Variants in CDH13 observed in about 807,000 individuals in gnomAD.
CDH13 encodes cadherin-13.
Under a neutral mutation model 63.8 loss-of-function variants are expected in CDH13, and 24 were observed. The ratio of observed to expected loss-of-function variants is 0.38; its 90% CI spans 0.27 to 0.53. The LOEUF (loss-of-function observed/expected upper bound fraction) is 0.53. Ranked by LOEUF, CDH13 falls within the 20% of genes least tolerant of loss-of-function variation. The probability of loss-of-function intolerance (pLI) is 0.85; values close to 1 mark genes in which losing one functional copy is unlikely to be tolerated. For missense variants in CDH13, 1,049 were observed against 903.1 expected (o/e 1.16, Z -2.07); for synonymous variants, 503 against 355.3 (o/e 1.42, Z -4.67).
intron 1 of CDH13, among the ~76,000 whole-genome samples, chr16:82,813,660 G>T (rs75023748): frequency 0.017 from 2,560 of 152,182 alleles, 62 homozygotes; most frequent in African/African-American, 0.057. Context: ...GACTTTGCAT[G>T]TCTCTCTCTA....
Position 82,788,156 on chromosome 16 carries a change from C to G in CDH13, c.46-70206C>G, listed in dbSNP as rs75921145. ...AAACTAGTAGGAATGCATCTAGGAA[C>G]CAAAGTGTCTCCTTCCTAGAGAGAG... On this transcript the variant is annotated intron_variant, in intron 1 of 13. Coordinates refer to ENST00000567109, the MANE Select transcript of CDH13 (RefSeq NM_001257.5). 4.2e-3 allele frequency among the ~76,000 whole-genome samples: 633 copies of G among 152,238 alleles called. 9 individuals carry two copies. Among genetic ancestry groups the G allele is most frequent in the Admixed American group, 0.029 (436 of 15,292 alleles).
Position 83,714,021 on chromosome 16 carries a change from G to C in CDH13, c.1539-34087G>C, listed in dbSNP as rs546983290. Among the ~76,000 whole-genome samples the C allele has an allele frequency of 3.9e-5, 6 of 152,280 alleles. No homozygotes were observed. In the East Asian group the frequency reaches 1.2e-3, roughly 29 times the overall value. ...GGCTCATGCTCACTTGTCCAGAGTAGATCTCTAGCCCACCCTATACCCATC... is the reference window on the plus strand; with the variant it reads ...GGCTCATGCTCACTTGTCCAGAGTACATCTCTAGCCCACCCTATACCCATC... On this transcript the variant is annotated intron_variant, in intron 10 of 13. Transcript: ENST00000567109.
At chr16:82,706,270 G>A (rs191973785) in intron 1 of CDH13, among the ~76,000 whole-genome samples, 13 of 152,090 alleles carry the variant, frequency 8.5e-5, no homozygotes, top group African/African-American at 2.7e-4. Context: ...TGTGGTTCCC[G>A]TTACATGATG....
intron 2 of CDH13, among the ~76,000 whole-genome samples, chr16:83,030,136 A>G (rs1567760431): frequency 6.6e-6 from 1 of 152,068 alleles, no homozygotes; most frequent in Non-Finnish European, 1.5e-5. Context: ...CATCTTCCCT[A>G]TTCCTTCCCA....
At chr16:82,728,964 A>G (rs548714968) in intron 1 of CDH13, among the ~76,000 whole-genome samples, 6 of 152,206 alleles carry the variant, frequency 3.9e-5, no homozygotes, top group Admixed American at 2.6e-4. Flanking sequence ...ATCTCAAGAA[A>G]CCACTTTCTT....
chr16:83,609,611 T>A (rs1034467357), intron 8 of CDH13, among the ~76,000 whole-genome samples: 4 of 152,226 alleles, frequency 2.6e-5, no homozygotes, highest in Non-Finnish European at 5.9e-5. Context: ...CTTTTCCTCT[T>A]AATAAATTAT....
chr16:83,012,519 A>G (rs1411278200), intron 2 of CDH13, among the ~76,000 whole-genome samples: 2 of 152,162 alleles, frequency 1.3e-5, no homozygotes, highest in Non-Finnish European at 2.9e-5. Flanking sequence ...AAAATTAGAC[A>G]TCTTCGTCAT....
chr16:83,085,085 G>T (rs375071698), intron 3 of CDH13, among the ~76,000 whole-genome samples: 97 of 152,074 alleles, frequency 6.4e-4, no homozygotes, highest in African/African-American at 2.2e-3. Flanking sequence ...CTGTTTTCAT[G>T]CTGTTGATAG....
At chr16:82,919,610 T>C (rs954480001) in intron 2 of CDH13, among the ~76,000 whole-genome samples, 1 of 152,222 alleles carries the variant, frequency 6.6e-6, no homozygotes, top group Non-Finnish European at 1.5e-5. Context: ...CAGCTCACCA[T>C]TGATGGGCAT....
intron 7 of CDH13, among the ~76,000 whole-genome samples, chr16:83,602,113 A>C (rs1907882869): frequency 1.1e-3 from 33 of 30,604 alleles, no homozygotes; most frequent in African/African-American, 6.6e-3. Context: ...ACAACAAAAA[A>C]AAAAAAAAAA....
intron 1 of CDH13, among the ~76,000 whole-genome samples, chr16:82,703,898 G>A (rs956277750): frequency 5.3e-5 from 8 of 152,126 alleles, no homozygotes; most frequent in Admixed American, 4.6e-4. Context: ...CCAGCTTCGG[G>A]GGCTCCAGGA....
intron 1 of CDH13, among the ~76,000 whole-genome samples, chr16:82,783,480 CAG>C (rs754033568): frequency 2.6e-5 from 4 of 152,346 alleles, no homozygotes; most frequent in African/African-American, 7.2e-5. Context: ...TGCAAGGACA[CAG>C]AGAGGTGAGC....
At chr16:83,399,805 C>A (rs564316047) in intron 6 of CDH13, among the ~76,000 whole-genome samples, 1 of 152,122 alleles carries the variant, frequency 6.6e-6, no homozygotes, top group Non-Finnish European at 1.5e-5. Context: ...CATTTTACCC[C>A]CCGCCGCATT....
chr16:83,051,143 C>T (rs1489961442), intron 3 of CDH13, among the ~76,000 whole-genome samples: 1 of 152,174 alleles, frequency 6.6e-6, no homozygotes, highest in Non-Finnish European at 1.5e-5. Flanking sequence ...TCATATCATG[C>T]CCTCTTCAAA....
At chr16:82,868,662 C>T (rs982046351) in intron 2 of CDH13, among the ~76,000 whole-genome samples, 3 of 152,170 alleles carry the variant, frequency 2.0e-5, no homozygotes, top group Non-Finnish European at 4.4e-5. Context: ...ATAAATAGAC[C>T]AGAGGTATCA....
At chr16:82,808,606 T>C (rs141634933) in intron 1 of CDH13, among the ~76,000 whole-genome samples, 244 of 152,106 alleles carry the variant, frequency 1.6e-3, no homozygotes, top group African/African-American at 5.7e-3. Context: ...ATAAAAATAG[T>C]TATTTATTTT....
At chr16:83,297,809 G>T (rs1367533371) in intron 5 of CDH13, among the ~76,000 whole-genome samples, 1 of 152,056 alleles carries the variant, frequency 6.6e-6, no homozygotes, top group Non-Finnish European at 1.5e-5. Context: ...CTAATCGAAG[G>T]ACATTCAAGA....
At chr16:83,145,779 CT>C (rs1400280437) in intron 4 of CDH13, among the ~76,000 whole-genome samples, 6 of 152,168 alleles carry the variant, frequency 3.9e-5, no homozygotes, top group African/African-American at 1.4e-4. Context: ...GCAGACCAGC[CT>C]GGGTTCTGCC....
intron 2 of CDH13, among the ~76,000 whole-genome samples, chr16:82,907,502 C>G (rs1397366560): frequency 6.6e-6 from 1 of 152,204 alleles, no homozygotes; most frequent in Non-Finnish European, 1.5e-5. Flanking sequence ...TCGGTCCATT[C>G]ATTTCTGCAT....
Sources: gnomAD v4.1 joint callset for allele counts (sites outside exome capture counted in the v4.1 genomes callset) on GRCh38, gnomAD v4.1.1 for gene constraint, MANE v1.5 for transcripts, NCBI Gene and HGNC (gene_info 2026-07-23, HGNC 2026-07-21) for gene names.